Variants in ARSB observed in about 807,000 individuals in gnomAD.
ARSB encodes the protein N-acetylgalactosamine-4-sulfatase.
In ARSB, 41 loss-of-function variants were observed where a neutral mutation model predicts 50.9. The ratio of observed to expected loss-of-function variants is 0.81; its 90% CI spans 0.63 to 1.04. The LOEUF (loss-of-function observed/expected upper bound fraction) is 1.04. ARSB is among the 50% of genes least tolerant of loss of function. The pLI is 0.00. For missense variants in ARSB, 672 were observed against 693.3 expected (o/e 0.97, Z 0.35); for synonymous variants, 269 against 284.8 (o/e 0.94, Z 0.56).
intron 4 of ARSB, among the ~76,000 whole-genome samples, chr5:78,906,121 C>G (rs1749054175): frequency 6.6e-6 from 1 of 151,352 alleles, no homozygotes; most frequent in Admixed American, 6.6e-5. Context: ...TGGCTCACAC[C>G]AGCCAGGCAA....
At chr5:78,781,262 G>T (rs1330543007) in intron 7 of ARSB, among the ~76,000 whole-genome samples, 2 of 148,560 alleles carry the variant, frequency 1.3e-5, no homozygotes, top group African/African-American at 4.9e-5. Context: ...AAGCATAAGA[G>T]TGACATTTCT....
At chr5:78,842,270 G>A (rs1012129994) in intron 5 of ARSB, among the ~76,000 whole-genome samples, 2 of 152,196 alleles carry the variant, frequency 1.3e-5, no homozygotes, top group African/African-American at 4.8e-5. Context: ...GTCGGAAGGA[G>A]GGGAAGGGGT....
chr5:78,800,597 A>G (rs1743350876), intron 6 of ARSB, among the ~76,000 whole-genome samples: 3 of 152,338 alleles, frequency 2.0e-5, no homozygotes, highest in South Asian at 4.1e-4. Flanking sequence ...GGAATTACAG[A>G]AAAACATTAA....
At chr5:78,841,168 CTAATAA>C (rs1554074343) in intron 5 of ARSB, among the ~76,000 whole-genome samples, 2 of 132,002 alleles carry the variant, frequency 1.5e-5, no homozygotes, top group African/African-American at 2.9e-5. Flanking sequence ...ACTACTACTA[CTAATAA>C]TAATAATAAT....
intron 4 of ARSB, among the ~76,000 whole-genome samples, chr5:78,931,080 G>A (rs1750303088): frequency 6.6e-6 from 1 of 152,204 alleles, no homozygotes; most frequent in Admixed American, 6.5e-5. Context: ...GGCTAGCCCG[G>A]GAAATCTCTC....
At chr5:78,854,948 C>G (rs1485449120) in intron 5 of ARSB, among the ~76,000 whole-genome samples, 1 of 152,106 alleles carries the variant, frequency 6.6e-6, no homozygotes, top group African/African-American at 2.4e-5. Context: ...TATGCTGTAC[C>G]CTAGAATGGC....
At chr5:78,905,165 G>A (rs1418323235) in intron 4 of ARSB, among the ~76,000 whole-genome samples, 1 of 152,062 alleles carries the variant, frequency 6.6e-6, no homozygotes, top group African/African-American at 2.4e-5. Flanking sequence ...CTATTTCACT[G>A]CTATTTTTCC....
At chr5:78,893,860 T>C (rs376928812) in intron 4 of ARSB, among the ~76,000 whole-genome samples, 4 of 152,370 alleles carry the variant, frequency 2.6e-5, no homozygotes, top group African/African-American at 9.6e-5. Flanking sequence ...ATATTTGGTC[T>C]GTCCTTTTTA....
intron 3 of ARSB, among the ~76,000 whole-genome samples, chr5:78,961,227 A>C (rs1751969619): frequency 6.6e-6 from 1 of 152,224 alleles, no homozygotes; most frequent in Non-Finnish European, 1.5e-5. Context: ...ATCGGGATAA[A>C]ATCGTGAAAA....
At chr5:78,805,908 G>A (rs1580986366) in intron 6 of ARSB, among the ~76,000 whole-genome samples, 1 of 152,228 alleles carries the variant, frequency 6.6e-6, no homozygotes, top group South Asian at 2.1e-4. Flanking sequence ...ACCAGGGAGA[G>A]GCACTGTGAG....
chr5:78,871,048 G>C (rs1294845632), intron 5 of ARSB, among the ~76,000 whole-genome samples: 2 of 149,972 alleles, frequency 1.3e-5, no homozygotes, highest in African/African-American at 4.9e-5. Flanking sequence ...CAAATCATGA[G>C]TGAACTCCCA....
intron 4 of ARSB, among the ~76,000 whole-genome samples, chr5:78,895,739 G>A (rs1324136322): frequency 1.3e-5 from 2 of 152,186 alleles, no homozygotes; most frequent in African/African-American, 4.8e-5. Context: ...GTCACCCTGT[G>A]ACCCTCAACC....
intron 1 of ARSB, among the ~76,000 whole-genome samples, chr5:78,981,024 C>T (rs1752883922): frequency 2.9e-5 from 1 of 34,314 alleles, no homozygotes; most frequent in Admixed American, 3.7e-4. Flanking sequence ...AATCTCGGCT[C>T]ACTGCAAGCT....
chr5:78,798,726 C>T (rs1743269527), intron 6 of ARSB, among the ~76,000 whole-genome samples: 1 of 152,240 alleles, frequency 6.6e-6, no homozygotes, highest in South Asian at 2.1e-4. Flanking sequence ...CTTTTAATGG[C>T]TGTCAGGTGG....
At chr5:78,843,300 A>G (rs1745309044) in intron 5 of ARSB, among the ~76,000 whole-genome samples, 1 of 152,160 alleles carries the variant, frequency 6.6e-6, no homozygotes. Flanking sequence ...ACCACACTTG[A>G]GGTATCATGG....
At chr5:78,853,770 C>A (rs1183480722) in intron 5 of ARSB, among the ~76,000 whole-genome samples, 1 of 152,216 alleles carries the variant, frequency 6.6e-6, no homozygotes, top group African/African-American at 2.4e-5. Context: ...ATGGTGGGTG[C>A]CCCTCCCCCA....
chr5:78,980,744 G>GTGTGTGTGTGTGTGTGTGTGTGTGTA (rs57536545), intron 1 of ARSB, among the ~76,000 whole-genome samples: 3 of 151,504 alleles, frequency 2.0e-5, no homozygotes, highest in African/African-American at 7.3e-5. Flanking sequence ...ATGTGTGTGT[G>GTGTGTGTGTGTGTGTGTGTGTGTGTA]TGTGTGTGTG....
intron 5 of ARSB, among the ~76,000 whole-genome samples, chr5:78,842,780 CTT>C (rs5868940): frequency 2.1e-5 from 3 of 141,602 alleles, no homozygotes; most frequent in Admixed American, 7.0e-5. Flanking sequence ...GTTTTTTTCC[CTT>C]TTTTTTTTTT....
At chr5:78,850,789 A>G (rs548491162) in intron 5 of ARSB, among the ~76,000 whole-genome samples, 2 of 152,244 alleles carry the variant, frequency 1.3e-5, no homozygotes, top group South Asian at 2.1e-4. Flanking sequence ...TAGTCTTGGG[A>G]GGGTGTACGT....
Sources: allele counts gnomAD v4.1 joint callset (sites outside exome capture counted in the v4.1 genomes callset), GRCh38; gene constraint gnomAD v4.1.1; transcripts MANE v1.5; gene names NCBI Gene and HGNC (gene_info 2026-07-23, HGNC 2026-07-21).